Variants in VWA3B observed in about 807,000 individuals in gnomAD.
VWA3B encodes von Willebrand factor A domain containing 3B.
In VWA3B, 138 loss-of-function variants were observed where a neutral mutation model predicts 158.3. The observed-to-expected ratio is 0.87, with a 90% CI of 0.76 to 1.00. The LOEUF is 1.00. VWA3B is among the 50% of genes least tolerant of loss of function. The probability of loss-of-function intolerance (pLI) is 0.00; values close to 1 mark genes in which losing one functional copy is unlikely to be tolerated. For synonymous variants in VWA3B, 596 were observed against 587.3 expected (o/e 1.01, Z -0.21); for missense variants, 1,555 against 1,565.1 (o/e 0.99, Z 0.11).
intron 3 of VWA3B, among the ~76,000 whole-genome samples, chr2:98,118,925 T>G (rs1674737289): frequency 6.6e-6 from 1 of 152,198 alleles, no homozygotes; most frequent in Non-Finnish European, 1.5e-5. Flanking sequence ...CCTGCAAGTC[T>G]CTGTCACCAT....
intron 2 of VWA3B, among the ~76,000 whole-genome samples, chr2:98,099,063 GTTA>G (rs542681782): frequency 1.4e-4 from 22 of 152,090 alleles, no homozygotes; most frequent in Non-Finnish European, 2.8e-4. Context: ...AATTATTCTA[GTTA>G]TTATTATTAA....
At chr2:98,155,594 G>A (rs537246122) in intron 7 of VWA3B, among the ~76,000 whole-genome samples, 2 of 152,192 alleles carry the variant, frequency 1.3e-5, no homozygotes, top group Non-Finnish European at 2.9e-5. Flanking sequence ...TAAGTTCCCA[G>A]CACGGTGGCA....
intron 23 of VWA3B, among the ~76,000 whole-genome samples, chr2:98,294,900 T>C (rs1182436080): frequency 6.6e-6 from 1 of 152,184 alleles, no homozygotes; most frequent in East Asian, 1.9e-4. Flanking sequence ...TTTAAAACAA[T>C]GAAACCCTTC....
chr2:98,142,487 C>T (rs1676859961), intron 7 of VWA3B, among the ~76,000 whole-genome samples: 1 of 152,158 alleles, frequency 6.6e-6, no homozygotes, highest in Non-Finnish European at 1.5e-5. Context: ...CTTAAAAAAG[C>T]CTGAATGTCT....
intron 2 of VWA3B, among the ~76,000 whole-genome samples, chr2:98,102,540 C>A (rs541518233): frequency 3.9e-5 from 6 of 152,148 alleles, no homozygotes; most frequent in Admixed American, 3.9e-4. Flanking sequence ...CAGGCAGAGG[C>A]GCTCCTCACT....
At position 98,250,853 on chromosome 2, in the gene VWA3B, G is replaced by A. The variant is rs117404404; in HGVS notation, c.2792+417G>A. On this transcript the variant is annotated intron_variant, in intron 20 of 27. Coordinates refer to ENST00000477737, the MANE Select transcript of VWA3B (RefSeq NM_144992.5). Reference sequence around the variant, plus strand: ...TGATGTTATTATACATCATATGCCTGTATCAAAATATTTCATGTAACCTAC... The same window carrying A: ...TGATGTTATTATACATCATATGCCTATATCAAAATATTTCATGTAACCTAC... 9.9e-5 allele frequency among the ~76,000 whole-genome samples: 15 copies of A among 152,082 alleles called. No individual in the cohort carries two copies. In the East Asian group the frequency reaches 2.7e-3, roughly 27 times the overall value.
intron 8 of VWA3B, among the ~76,000 whole-genome samples, chr2:98,165,676 CTG>C (rs1214284418): frequency 6.6e-6 from 1 of 152,170 alleles, no homozygotes; most frequent in South Asian, 2.1e-4. Flanking sequence ...TTCCTGGTGA[CTG>C]TGGCTTTTTC....
intron 20 of VWA3B, among the ~76,000 whole-genome samples, chr2:98,252,481 G>A (rs1686858710): frequency 6.6e-6 from 1 of 152,048 alleles, no homozygotes; most frequent in African/African-American, 2.4e-5. Flanking sequence ...AGAGCTTCGT[G>A]GTCAGATGGT....
chr2:98,194,361 G>A lies in VWA3B; in HGVS notation c.1606G>A (p.Glu536Lys), dbSNP rs777310505. 9.9e-6 allele frequency: 16 copies of A among 1,613,194 alleles called. 1 individual carries two copies. The South Asian group carries it at 1.3e-4, about 13-fold the overall frequency. Residue 536 changes from glutamate to lysine, a missense_variant and splice_region_variant, in exon 12 of 28, where the codon GAA (glutamate) becomes AAA (lysine). Transcript: ENST00000477737. ...VKDKIIQFIQ[E>K]QLKYKSKFNF... ...GTTAAATAATCATTGTCTCTTTTAG[G>A]AACAGCTGAAATATAAAAGTAAGTT...
At chr2:98,196,383 A>G (rs890715352) in intron 12 of VWA3B, among the ~76,000 whole-genome samples, 1 of 152,248 alleles carries the variant, frequency 6.6e-6, no homozygotes, top group Non-Finnish European at 1.5e-5. Context: ...CATATATACA[A>G]TTTTATTTGT....
At chr2:98,247,764 C>A (rs1318151405) in intron 19 of VWA3B, among the ~76,000 whole-genome samples, 1 of 151,862 alleles carries the variant, frequency 6.6e-6, no homozygotes, top group Non-Finnish European at 1.5e-5. Context: ...TGTTTTTAGT[C>A]TTTTGTTGTG....
the VWA3B span, among the ~76,000 whole-genome samples, chr2:98,323,046 G>C: frequency 6.6e-6 from 1 of 152,110 alleles, no homozygotes; most frequent in Non-Finnish European, 1.5e-5. Flanking sequence ...AGAATATATT[G>C]CCTGCAGTCC....
At chr2:98,192,776 A>C in intron 10 of VWA3B, 122 bp from the exon 11 acceptor site, 1 of 1,371,234 alleles carries the variant, frequency 7.3e-7, no homozygotes, top group Non-Finnish European at 1.0e-6. Context: ...TACTCACAGA[A>C]GATTGGGTAT....
intron 7 of VWA3B, among the ~76,000 whole-genome samples, chr2:98,145,781 G>A (rs952994025): frequency 1.1e-4 from 16 of 151,638 alleles, no homozygotes; most frequent in African/African-American, 3.2e-4. Context: ...ATGCAGTGAC[G>A]TGATCAAAGA....
chr2:98,221,850 T>G (rs1684533971), intron 14 of VWA3B, among the ~76,000 whole-genome samples: 1 of 152,084 alleles, frequency 6.6e-6, no homozygotes, highest in Non-Finnish European at 1.5e-5. Context: ...GTGAGGCCAG[T>G]CTAGTCACTG....
intron 12 of VWA3B, among the ~76,000 whole-genome samples, chr2:98,211,156 T>G (rs529026334): frequency 1.4e-4 from 21 of 152,330 alleles, no homozygotes; most frequent in African/African-American, 5.0e-4. Context: ...GCCATCCCAA[T>G]GTCCTTTATC....
rs1422330520 is a variant in VWA3B, at chr2:98,133,913, G to A, written c.962G>A (p.Arg321Lys). Reference protein sequence around the residue: ...DGDNVMTWNSRKLKGKLPPGA... With the variant: ...DGDNVMTWNSKKLKGKLPPGA... ...GACAATGTGATGACTTGGAATTCAA[G>A]GAAACTGAAAGGAAAACTCCCTCCA... Residue 321 changes from arginine (R) to lysine (K), a missense_variant, in exon 7 of 28, where the codon AGG (arginine) becomes AAG (lysine). By Grantham distance (26) the Arg-to-Lys change is conservative. Transcript: ENST00000477737. 1 of 1,613,930 alleles carries A rather than the reference G, an allele frequency of 6.2e-7. No individual in the cohort carries two copies. The highest frequency in any genetic ancestry group is 8.5e-7 in the Non-Finnish European group (1 of 1,179,984).
At chr2:98,249,203 G>A (rs1426931918) in intron 19 of VWA3B, among the ~76,000 whole-genome samples, 1 of 151,978 alleles carries the variant, frequency 6.6e-6, no homozygotes, top group African/African-American at 2.4e-5. Context: ...ACCTTTTTGG[G>A]AACATGCGTT....
intron 8 of VWA3B, among the ~76,000 whole-genome samples, chr2:98,174,548 GCTGA>G (rs992922484): frequency 1.3e-5 from 2 of 152,168 alleles, no homozygotes; most frequent in East Asian, 1.9e-4. Flanking sequence ...TAATTTTGTG[GCTGA>G]CTAAGGTTGT....
Sources: gnomAD v4.1 joint callset for allele counts (sites outside exome capture counted in the v4.1 genomes callset) on GRCh38, gnomAD v4.1.1 for gene constraint, MANE v1.5 for transcripts, NCBI Gene and HGNC (gene_info 2026-07-23, HGNC 2026-07-21) for gene names.